COL14A1: variants seen among roughly 807,000 people sequenced by gnomAD.
The protein encoded by COL14A1 is collagen type XIV alpha 1 chain.
In COL14A1, 136 loss-of-function variants were observed where a neutral mutation model predicts 230.3. The observed-to-expected ratio is 0.59, with a 90% CI of 0.51 to 0.68. COL14A1 has a LOEUF of 0.68. Ranked by LOEUF, COL14A1 falls within the 30% of genes least tolerant of loss-of-function variation. The probability of loss-of-function intolerance (pLI) is 0.00; values close to 1 mark genes in which losing one functional copy is unlikely to be tolerated. For synonymous variants in COL14A1, 792 were observed against 784.1 expected (o/e 1.01, Z -0.17); for missense variants, 1,976 against 2,215.8 (o/e 0.89, Z 2.17).
At chr8:120,350,179 C>A (rs1251677881) in intron 45 of COL14A1, among the ~76,000 whole-genome samples, 6 of 152,096 alleles carry the variant, frequency 3.9e-5, no homozygotes, top group Middle Eastern at 3.2e-3. Context: ...TACAGACAAG[C>A]AAATGCTGAG....
Position 120,373,235 on chromosome 8 carries a change from A to C in COL14A1, c.*2004A>C, listed in dbSNP as rs1429405335. Reference sequence around the variant, plus strand: ...CGAAGTATACACTATGAGAGATTCTAATCCATTCACATCATTCTTGAGTTG... The same window carrying C: ...CGAAGTATACACTATGAGAGATTCTCATCCATTCACATCATTCTTGAGTTG... On this transcript the variant is annotated 3_prime_UTR_variant, in exon 48 of 48. Transcript: ENST00000297848. Among the ~76,000 whole-genome samples the C allele has an allele frequency of 2.0e-5, 3 of 152,200 alleles. No individual in the cohort carries two copies. The highest frequency in any genetic ancestry group is 7.2e-5 in the African/African-American group (3 of 41,462).
chr8:120,168,917 A>T (rs1816007882), intron 5 of COL14A1, among the ~76,000 whole-genome samples: 1 of 152,066 alleles, frequency 6.6e-6, no homozygotes, highest in African/African-American at 2.4e-5. Flanking sequence ...ATTTAGTGTC[A>T]CAATCTCGGC....
At chr8:120,358,805 T>C (rs533230161) in intron 45 of COL14A1, among the ~76,000 whole-genome samples, 2 of 152,328 alleles carry the variant, frequency 1.3e-5, no homozygotes, top group South Asian at 2.1e-4. Flanking sequence ...TTAGCTGTGA[T>C]AAAACATTTT....
chr8:120,269,085 T>G (rs955047349), intron 25 of COL14A1, among the ~76,000 whole-genome samples: 13 of 151,780 alleles, frequency 8.6e-5, no homozygotes, highest in Non-Finnish European at 5.9e-5. Flanking sequence ...CTTCATAAAA[T>G]AAAAACTAAG....
At chr8:120,158,395 A>G in intron 3 of COL14A1, 149 bp downstream of exon 3, 1 of 613,544 alleles carries the variant, frequency 1.6e-6, no homozygotes, top group Admixed American at 3.2e-5. Flanking sequence ...CCCTCTAATC[A>G]AGGTAATAAT....
rs1586881500 is a variant in COL14A1, at chr8:120,342,294, G to A, written c.4822-86G>A. 7 of 1,356,078 alleles carry A rather than the reference G, an allele frequency of 5.2e-6. No individual in the cohort carries two copies. The South Asian group carries it at 8.3e-5, about 16-fold the overall frequency. 84.0% of individuals were successfully genotyped at this position (1,356,078 alleles called of 1,614,324 possible). The stretch of plus-strand genomic sequence containing the variant: ...CCAAAGATCCCTGATGGGAACAATG[G>A]GGCAAGTCAGATCCACATCCTGGAA... On this transcript the variant is annotated intron_variant, in intron 43 of 47. Transcript: ENST00000297848.
chr8:120,339,084 G>A (rs1324790670), intron 42 of COL14A1, among the ~76,000 whole-genome samples: 4 of 152,148 alleles, frequency 2.6e-5, no homozygotes, highest in South Asian at 4.1e-4. Flanking sequence ...TCAGCCTCCC[G>A]AGTAGCTGGG....
chr8:120,137,404 A>G (rs1446770242), intron 1 of COL14A1, among the ~76,000 whole-genome samples: 1 of 152,152 alleles, frequency 6.6e-6, no homozygotes, highest in Non-Finnish European at 1.5e-5. Context: ...AATATTTCAA[A>G]GAAGCAAATA....
intron 26 of COL14A1, 82 bp downstream of exon 26, chr8:120,270,256 T>C: frequency 4.4e-6 from 6 of 1,371,978 alleles, no homozygotes; most frequent in Non-Finnish European, 6.0e-6. Flanking sequence ...TGTCAGGGAC[T>C]ATAGGTCAAG....
intron 8 of COL14A1, 63 bp from the exon 9 acceptor site, chr8:120,203,646 C>T (rs935446740): frequency 6.5e-7 from 1 of 1,547,776 alleles, no homozygotes; most frequent in African/African-American, 1.4e-5. Context: ...ATCAGGCCCA[C>T]CGCAGTCACT....
intron 40 of COL14A1, among the ~76,000 whole-genome samples, chr8:120,327,275 A>G (rs983161354): frequency 1.3e-5 from 2 of 152,130 alleles, no homozygotes; most frequent in African/African-American, 4.8e-5. Context: ...CCTTCTCCAG[A>G]TAATTGCCCT....
chr8:120,144,148 A>G (rs572039371), intron 1 of COL14A1, among the ~76,000 whole-genome samples: 1 of 152,206 alleles, frequency 6.6e-6, no homozygotes, highest in South Asian at 2.1e-4. Context: ...GCACTTGATT[A>G]GTTTCTTAGG....
intron 44 of COL14A1, 78 bp downstream of exon 44, chr8:120,342,524 T>A: frequency 7.3e-7 from 1 of 1,367,826 alleles, no homozygotes; most frequent in Admixed American, 1.7e-5. Flanking sequence ...CCCATGAGCG[T>A]ACCACTAAGG....
chr8:120,313,221 G>A (rs1372685138), intron 37 of COL14A1, among the ~76,000 whole-genome samples: 1 of 152,122 alleles, frequency 6.6e-6, no homozygotes, highest in African/African-American at 2.4e-5. Context: ...TTAGGCAGGT[G>A]TGGTGGTGCA....
chr8:120,178,029 C>G (rs1462006795), intron 5 of COL14A1, among the ~76,000 whole-genome samples: 1 of 151,928 alleles, frequency 6.6e-6, no homozygotes, highest in Non-Finnish European at 1.5e-5. Flanking sequence ...ACTGTGCATG[C>G]AGTTATTTGT....
intron 6 of COL14A1, among the ~76,000 whole-genome samples, chr8:120,197,522 G>T (rs758733659): frequency 8.6e-5 from 13 of 151,652 alleles, no homozygotes; most frequent in South Asian, 4.2e-4. Context: ...AATAAATCTA[G>T]ACCTTTTATC....
At chr8:120,280,849 T>C in intron 30 of COL14A1, 72 bp from the exon 31 acceptor site, 17 of 1,477,272 alleles carry the variant, frequency 1.2e-5, no homozygotes, top group Non-Finnish European at 1.5e-5. Flanking sequence ...AATAGAAAAA[T>C]ATTAAAATTT....
At chr8:120,149,821 A>G (rs909611753) in intron 2 of COL14A1, among the ~76,000 whole-genome samples, 1 of 151,864 alleles carries the variant, frequency 6.6e-6, no homozygotes, top group African/African-American at 2.4e-5. Flanking sequence ...TAGCCTCCCA[A>G]GTTGCTGGGA....
At chr8:120,128,218 TGTGCGCGCGC>T (rs925610078) in intron 1 of COL14A1, among the ~76,000 whole-genome samples, 6 of 98,708 alleles carry the variant, frequency 6.1e-5, no homozygotes, top group African/African-American at 2.6e-4. Flanking sequence ...TGTGTGTGTG[TGTGCGCGCGC>T]GTGTGTGTGT....
Sources: gnomAD v4.1 joint callset for allele counts (sites outside exome capture counted in the v4.1 genomes callset) on GRCh38, gnomAD v4.1.1 for gene constraint, MANE v1.5 for transcripts, NCBI Gene and HGNC (gene_info 2026-07-23, HGNC 2026-07-21) for gene names.